The following ZCCHC14 variants were observed in gnomAD, a reference collection of about 807,000 sequenced individuals.
ZCCHC14 encodes zinc finger CCHC domain-containing protein 14.
ZCCHC14 carries 16 observed loss-of-function variants against 85.0 expected under a neutral mutation model. The ratio of observed to expected loss-of-function variants is 0.19; its 90% CI spans 0.13 to 0.29. ZCCHC14 has a LOEUF of 0.29. Among genes scored for constraint, ZCCHC14 ranks in the 10% least tolerant of loss-of-function variants. The pLI is 1.00. For synonymous variants in ZCCHC14, 775 were observed against 630.7 expected, an observed-to-expected ratio of 1.23 and a Z score of -3.43; for missense variants, 1,303 against 1,443.5, an observed-to-expected ratio of 0.90 and a Z score of 1.58.
intron 2 of ZCCHC14, among the ~76,000 whole-genome samples, chr16:87,444,616 C>G (rs1179723105): frequency 6.6e-6 from 1 of 152,152 alleles, no homozygotes; most frequent in African/African-American, 2.4e-5. Flanking sequence ...GTGAGAGCAG[C>G]GTAGCATGTT....
chr16:87,437,566 G>A (rs543319458), intron 2 of ZCCHC14, among the ~76,000 whole-genome samples: 9 of 152,214 alleles, frequency 5.9e-5, no homozygotes, highest in Non-Finnish European at 1.3e-4. Context: ...CACCCAGGCA[G>A]GCCTGTGTGG....
At position 87,407,725 on chromosome 16, in the gene ZCCHC14, C is replaced by CT. The variant is rs1206231646; in HGVS notation, c.*2554dup. The CT allele has an allele frequency of 2.0e-5, 3 of 152,254 alleles. No individual in the cohort carries two copies. Among genetic ancestry groups the CT allele is most frequent in the Non-Finnish European group, 4.4e-5 (3 of 68,048 alleles). 9.4% of individuals were successfully genotyped at this position (152,254 alleles called of 1,614,324 possible). A position where few individuals can be genotyped will look rare whatever the true frequency, so the allele number is the denominator to read the frequency against. Reference sequence around the variant, plus strand: ...ACAGACCACACTTTCAGGAAAATGACTAAGTACTTGAAAGGGTCAGTATGT... The same window carrying CT: ...ACAGACCACACTTTCAGGAAAATGACTTAAGTACTTGAAAGGGTCAGTATGT... On this transcript the variant is annotated 3_prime_UTR_variant, in exon 13 of 13. Transcript: ENST00000671377.
chr16:87,443,756 G>C (rs760026344), intron 2 of ZCCHC14, among the ~76,000 whole-genome samples: 23 of 150,814 alleles, frequency 1.5e-4, no homozygotes, highest in Non-Finnish European at 3.1e-4. Context: ...AACCAAAAAA[G>C]CCAGGAGCTG....
chr16:87,460,474 G>C (rs1218055332), intron 1 of ZCCHC14, among the ~76,000 whole-genome samples: 1 of 152,158 alleles, frequency 6.6e-6, no homozygotes, highest in East Asian at 1.9e-4. Context: ...TGGATCTCTT[G>C]AGCCCAGGAG....
In ZCCHC14 at chr16:87,491,807, G is replaced by A. The variant is rs143540032; in HGVS notation, c.432C>T (p.Ala144=). ...LLFTMASNHP[A]FSFHQKQVLR... ...GCACCTGCTTCTGGTGGAAGCTGAA[G>A]GCCGGGTGGTTGGAGGCCATGGTGA... The change falls in exon 1 of 13, where the codon GCC becomes GCT. Residue 144 remains alanine, a synonymous_variant. Coordinates refer to ENST00000671377, the MANE Select transcript of ZCCHC14 (RefSeq NM_015144.3). The surrounding 1 kb of genome is among the most constrained non-coding windows in gnomAD (Gnocchi z 5.9). 212 of 1,587,536 alleles carry A rather than the reference G, an allele frequency of 1.3e-4. No homozygotes were observed. The African/African-American group carries it at 2.5e-3, about 19-fold the overall frequency.
chr16:87,485,514 A>G (rs948193797), intron 1 of ZCCHC14, among the ~76,000 whole-genome samples: 9 of 149,528 alleles, frequency 6.0e-5, no homozygotes, highest in African/African-American at 2.2e-4. Context: ...TCAATAATGT[A>G]CCCTAATTAG....
chr16:87,452,494 G>A (rs73240885), intron 2 of ZCCHC14, among the ~76,000 whole-genome samples: 6,528 of 152,148 alleles, frequency 0.043, 462 homozygotes, highest in African/African-American at 0.15. Context: ...CAGGCAAAGC[G>A]TAAAGTAGGG....
chr16:87,487,951 G>C (rs557161027), intron 1 of ZCCHC14, among the ~76,000 whole-genome samples: 2 of 152,036 alleles, frequency 1.3e-5, no homozygotes, highest in African/African-American at 4.8e-5. Context: ...GAGACAAAAA[G>C]GGGTGGTCAA....
intron 2 of ZCCHC14, among the ~76,000 whole-genome samples, chr16:87,444,033 T>TC (rs2150746285): frequency 1.1e-5 from 1 of 94,152 alleles, no homozygotes; most frequent in Admixed American, 1.5e-4. Context: ...TGAGACTCTA[T>TC]CACAGAAAAA....
chr16:87,478,202 C>T (rs1168293099), intron 1 of ZCCHC14, among the ~76,000 whole-genome samples: 1 of 152,214 alleles, frequency 6.6e-6, no homozygotes, highest in African/African-American at 2.4e-5. Flanking sequence ...ACACACTGCA[C>T]GACGTGTGGC....
chr16:87,483,894 T>C (rs977637101), intron 1 of ZCCHC14, among the ~76,000 whole-genome samples: 1 of 152,222 alleles, frequency 6.6e-6, no homozygotes, highest in African/African-American at 2.4e-5. Context: ...ATGTATATAA[T>C]ATGTAAATGA....
At chr16:87,485,653 C>T (rs187713665) in intron 1 of ZCCHC14, among the ~76,000 whole-genome samples, 1 of 149,440 alleles carries the variant, frequency 6.7e-6, no homozygotes, top group East Asian at 2.0e-4. Flanking sequence ...AGGTGGGGGG[C>T]GGGGGAGAAT....
chr16:87,467,397 T>G, intron 1 of ZCCHC14: 2 of 1,600,860 alleles, frequency 1.2e-6, no homozygotes, highest in Non-Finnish European at 1.7e-6. Context: ...CACAGTTTAC[T>G]GTCAGGCAAG....
chr16:87,474,339 C>G lies in ZCCHC14; in HGVS notation c.571-14208G>C, dbSNP rs567418272. ...CTAGCCTTCTCTCCGCACAGCACCT[C>G]ATCCTTTTAACAGCACATGTTCCAG... On this transcript the variant is annotated intron_variant, in intron 1 of 12. Transcript: ENST00000671377. 9 of 152,434 alleles carry G rather than the reference C, an allele frequency of 5.9e-5. 1 individual carries two copies. The East Asian group carries it at 1.2e-3, about 20-fold the overall frequency. The allele number at this position is 152,434 out of a possible 1,614,324, so 9.4% of individuals were successfully genotyped here. A position where few individuals can be genotyped will look rare whatever the true frequency, so the allele number is the denominator to read the frequency against.
At chr16:87,490,994 T>G (rs1912731534) in intron 1 of ZCCHC14, among the ~76,000 whole-genome samples, 1 of 152,224 alleles carries the variant, frequency 6.6e-6, no homozygotes, top group Admixed American at 6.5e-5. Context: ...CGCCTTGCAA[T>G]GTTCACCTCA....
At chr16:87,421,683 G>A (rs566152993) in intron 4 of ZCCHC14, among the ~76,000 whole-genome samples, 1 of 152,274 alleles carries the variant, frequency 6.6e-6, no homozygotes, top group African/African-American at 2.4e-5. Context: ...AGCTGGGAGT[G>A]AAGCAAAACG....
chr16:87,419,856 A>G lies in ZCCHC14; in HGVS notation c.972T>C (p.Ser324=). The stretch of plus-strand genomic sequence containing the variant: ...TGACATGGTCATTTTTCAACACGTG[A>G]GAAGGTAATGAGGCCAGGTACCTAA... The part of the protein sequence containing the change: ...SGLRYLASLP[S]HVLKNDHVRR... Residue 324 remains serine (S), a synonymous_variant, in exon 6 of 13, where the codon TCT becomes TCC. Transcript: ENST00000671377. The G allele has an allele frequency of 6.2e-7, 1 of 1,612,424 alleles. No individual in the cohort carries two copies. The highest frequency in any genetic ancestry group is 8.5e-7 in the Non-Finnish European group (1 of 1,179,356).
intron 1 of ZCCHC14, among the ~76,000 whole-genome samples, chr16:87,490,863 C>A (rs185440174): frequency 6.6e-6 from 1 of 152,252 alleles, no homozygotes; most frequent in South Asian, 2.1e-4. Flanking sequence ...ATACAGCATG[C>A]ACGTGTCCAT....
At chr16:87,427,940 T>A (rs1909459375) in intron 3 of ZCCHC14, among the ~76,000 whole-genome samples, 1 of 4,230 alleles carries the variant, frequency 2.4e-4, no homozygotes, top group Admixed American at 8.7e-4. Flanking sequence ...GCCTCTATGA[T>A]TTTTTTTTTT....
Sources: allele counts gnomAD v4.1 joint callset (sites outside exome capture counted in the v4.1 genomes callset), GRCh38; gene constraint gnomAD v4.1.1; non-coding constraint Gnocchi (gnomAD v3.1); transcripts MANE v1.5; gene names NCBI Gene and HGNC (gene_info 2026-07-23, HGNC 2026-07-21).